The following CHCHD7 variants were observed in gnomAD, a reference collection of about 807,000 sequenced individuals.
The protein encoded by CHCHD7 is coiled-coil-helix-coiled-coil-helix domain-containing protein 7.
A neutral mutation model predicts 10.5 loss-of-function variants in CHCHD7; 7 were observed. The ratio of observed to expected loss-of-function variants is 0.67; its 90% CI spans 0.38 to 1.25. The LOEUF (loss-of-function observed/expected upper bound fraction) is 1.25. Ranked by LOEUF, CHCHD7 falls within the 50% of genes most tolerant of loss-of-function variation. The probability of loss-of-function intolerance (pLI) is 0.02; values close to 1 mark genes in which losing one functional copy is unlikely to be tolerated. For synonymous variants in CHCHD7, 40 were observed against 36.0 expected, an observed-to-expected ratio of 1.11 and a Z score of -0.40; for missense variants, 100 against 104.5, an observed-to-expected ratio of 0.96 and a Z score of 0.19.
intron 2 of CHCHD7, chr8:56,215,485 G>A (rs1462434625): frequency 6.6e-6 from 1 of 152,200 alleles, no homozygotes; most frequent in East Asian, 1.9e-4. Context: ...CTCCTAAGGA[G>A]CTTGCAGCCT....
intron 3 of CHCHD7, 151 bp from the exon 4 acceptor site, chr8:56,217,180 A>G: frequency 1.8e-6 from 1 of 551,710 alleles, no homozygotes; most frequent in South Asian, 2.2e-5. Context: ...CTGGAGTCCT[A>G]TAATTAGGTT....
At chr8:56,216,701 T>C (rs769301444) in intron 3 of CHCHD7, 170 bp downstream of exon 3, 4 of 757,802 alleles carry the variant, frequency 5.3e-6, no homozygotes, top group Non-Finnish European at 2.3e-6. Flanking sequence ...CCTTGAGAGC[T>C]CTTGTTAGCT....
Position 56,216,471 on chromosome 8 carries a change from CTA to C in CHCHD7, c.95_96del (p.Tyr32Ter). 1.2e-6 allele frequency: 2 copies of C among 1,614,100 alleles called. No homozygotes were observed. Among genetic ancestry groups the C allele is most frequent in the Non-Finnish European group, 1.7e-6 (2 of 1,179,972 alleles). On this transcript the variant is annotated frameshift_variant, in exon 3 of 4. Transcript: ENST00000355315. LOFTEE classifies it high-confidence loss of function. ...CCACCAGATGTCTGGATGAAAATAA[CTA>C]TGACAGGGAAAGGTGTTCCACTTAC... is the stretch of plus-strand genomic sequence containing the variant. Reference protein sequence around the residue: ...ASTRCLDENNYDRERCSTYFL... With the variant: ...ASTRCLDENNXDRERCSTYFL...
chr8:56,216,614 TC>T (rs771896071), intron 3 of CHCHD7, 83 bp downstream of exon 3: 1 of 1,407,866 alleles, frequency 7.1e-7, no homozygotes, highest in Non-Finnish European at 1.0e-6. Flanking sequence ...GTACCCACAA[TC>T]CTTTCCCACT....
chr8:56,214,924 A>G (rs1303617906), intron 2 of CHCHD7: 1 of 341,326 alleles, frequency 2.9e-6, no homozygotes, highest in East Asian at 4.8e-5. Flanking sequence ...AGACAGGAAA[A>G]TGTAACACTG....
At chr8:56,217,196 A>ATT in intron 3 of CHCHD7, 135 bp from the exon 4 acceptor site, 5 of 542,672 alleles carry the variant, frequency 9.2e-6, no homozygotes, top group South Asian at 2.3e-5. Flanking sequence ...AGGTTTTGGG[A>ATT]TTTTTTTTTT....
rs778726005 is a variant in CHCHD7 at position 56,217,396 on chromosome 8, A to G, written c.219A>G (p.Arg73=). 2.5e-6 allele frequency: 4 copies of G among 1,611,756 alleles called. No homozygotes were observed. The highest frequency in any genetic ancestry group is 8.5e-7 in the Non-Finnish European group (1 of 1,177,898). The change falls in exon 4 of 4, where the codon AGA becomes AGG. Residue 73 remains arginine (R), a synonymous_variant. Transcript: ENST00000355315. The stretch of plus-strand genomic sequence containing the variant: ...CATTTATGCCTACGGCAGCAGAAAG[A>G]GATGAAATCTTGAGAGCAGTGGGAA... ...VKPFMPTAAE[R]DEILRAVGNM...
chr8:56,212,952 G>A (rs757792011), intron 1 of CHCHD7: 9 of 1,241,682 alleles, frequency 7.2e-6, no homozygotes, highest in Non-Finnish European at 1.1e-5. Context: ...AAAATATAGA[G>A]TAGGATACTT....
intron 3 of CHCHD7, chr8:56,216,735 A>G: frequency 1.4e-6 from 1 of 708,504 alleles, no homozygotes; most frequent in Admixed American, 2.0e-5. Context: ...CTAAGCTATA[A>G]GAATGCAGTT....
intron 1 of CHCHD7, chr8:56,212,436 A>C (rs1813054974): frequency 6.3e-6 from 1 of 159,368 alleles, no homozygotes; most frequent in South Asian, 1.9e-4. Flanking sequence ...GTGTTCAGAA[A>C]CGTTTCCTTC....
intron 3 of CHCHD7, 44 bp from the exon 4 acceptor site, chr8:56,217,287 A>G (rs1275357015): frequency 1.8e-6 from 2 of 1,141,062 alleles, no homozygotes; most frequent in Admixed American, 1.9e-5. Context: ...TTAATACATG[A>G]CTGATTTTGG....
At chr8:56,214,095 AG>A (rs1175173764) in intron 1 of CHCHD7, 1 of 152,170 alleles carries the variant, frequency 6.6e-6, no homozygotes, top group Non-Finnish European at 1.5e-5. Flanking sequence ...CGTTTTTTTG[AG>A]ACAGGGTCTC....
At chr8:56,215,488 T>G (rs1813294214) in intron 2 of CHCHD7, 1 of 152,178 alleles carries the variant, frequency 6.6e-6, no homozygotes, top group African/African-American at 2.4e-5. Context: ...CTAAGGAGCT[T>G]GCAGCCTAGA....
Position 56,214,618 on chromosome 8 carries a change from C to T in CHCHD7, c.5C>T (p.Pro2Leu). M[P>L]SVTQRLRDPD... The stretch of plus-strand genomic sequence containing the variant: ...CTCAGTAAGAAGACTGTTAGAATGC[C>T]CTCGGTAACACAGAGGCTGAGAGAT... The change falls in exon 2 of 4, where the codon CCC (proline) becomes CTC (leucine). Residue 2 changes from proline (P) to leucine (L), a missense_variant. Transcript: ENST00000355315. 1 of 1,612,802 alleles carries T rather than the reference C, an allele frequency of 6.2e-7. No homozygotes were observed. The highest frequency in any genetic ancestry group is 8.5e-7 in the Non-Finnish European group (1 of 1,179,110).
chr8:56,216,702 C>A, intron 3 of CHCHD7, 171 bp downstream of exon 3: 1 of 758,820 alleles, frequency 1.3e-6, no homozygotes, highest in Non-Finnish European at 2.3e-6. Context: ...CTTGAGAGCT[C>A]TTGTTAGCTG....
At position 56,214,716 on chromosome 8, in the gene CHCHD7, G is replaced by A. The variant is rs760566593; in HGVS notation, c.54+49G>A. On this transcript the variant is annotated intron_variant, in intron 2 of 3. Transcript: ENST00000355315. Reference sequence around the variant, plus strand: ...CATGAGTGTTAAGTTGGAAAAACAGGCTGCTCTAGTTTTGTGGGCCTTTGT... The same window carrying A: ...CATGAGTGTTAAGTTGGAAAAACAGACTGCTCTAGTTTTGTGGGCCTTTGT... The A allele has an allele frequency of 4.8e-6, 7 of 1,466,494 alleles. No individual in the cohort carries two copies. The East Asian group carries it at 1.1e-4, about 24-fold the overall frequency. 90.8% of individuals were successfully genotyped at this position (1,466,494 alleles called of 1,614,324 possible).
At position 56,212,766 on chromosome 8, in the gene CHCHD7, T is replaced by C. The variant is rs150898248; in HGVS notation, c.-17+929T>C. The C allele has an allele frequency of 5.2e-4, 431 of 829,990 alleles. 3 individuals carry two copies. The African/African-American group carries it at 6.3e-3, about 12-fold the overall frequency. The allele number at this position is 829,990 out of a possible 1,614,324, so 51.4% of individuals were successfully genotyped here. A position where few individuals can be genotyped will look rare whatever the true frequency, so the allele number is the denominator to read the frequency against. On this transcript the variant is annotated intron_variant, in intron 1 of 3. Coordinates refer to ENST00000355315, the MANE Select transcript of CHCHD7 (RefSeq NM_001011671.3). ...ACATTTCCTCTTCAATTCCAGTTAA[T>C]ACACGAGGAACTCATGCAAAGGAGG...
chr8:56,213,304 C>A (rs898885448), intron 1 of CHCHD7: 2 of 155,414 alleles, frequency 1.3e-5, no homozygotes, highest in African/African-American at 2.4e-5. Context: ...AATAACCAAA[C>A]CCTTTTCCAT....
Position 56,218,665 on chromosome 8 carries a change from A to T in CHCHD7, c.*1230A>T, listed in dbSNP as rs978109249. Reference sequence around the variant, plus strand: ...TGCTATAAAAATGATGGATTAAAATAGGACCAGAAAAGAATGAATGCCTAC... The same window carrying T: ...TGCTATAAAAATGATGGATTAAAATTGGACCAGAAAAGAATGAATGCCTAC... On this transcript the variant is annotated 3_prime_UTR_variant, in exon 4 of 4. Coordinates refer to ENST00000355315, the MANE Select transcript of CHCHD7 (RefSeq NM_001011671.3). 3 of 200,298 alleles carry T rather than the reference A, an allele frequency of 1.5e-5. No homozygotes were observed. The highest frequency in any genetic ancestry group is 6.9e-5 in the African/African-American group (3 of 43,528). The allele number at this position is 200,298 out of a possible 1,614,324, so 12.4% of individuals were successfully genotyped here. A position where few individuals can be genotyped will look rare whatever the true frequency, so the allele number is the denominator to read the frequency against.
Sources: gnomAD v4.1 joint callset for allele counts on GRCh38, gnomAD v4.1.1 for gene constraint, MANE v1.5 for transcripts, NCBI Gene and HGNC (gene_info 2026-07-23, HGNC 2026-07-21) for gene names.